PHACTR3: variants seen among roughly 807,000 people sequenced by gnomAD.
PHACTR3 encodes phosphatase and actin regulator 3.
In PHACTR3, 16 loss-of-function variants were observed where a neutral mutation model predicts 66.8. The ratio of observed to expected loss-of-function variants is 0.24; its 90% CI spans 0.16 to 0.36. The LOEUF (loss-of-function observed/expected upper bound fraction) is 0.36, where lower values mean the gene tolerates loss of function less well. PHACTR3 is among the 10% of genes least tolerant of loss of function. The pLI, the probability that PHACTR3 is intolerant of heterozygous loss-of-function variation, is 1.00. For synonymous variants in PHACTR3, 323 were observed against 292.1 expected, an observed-to-expected ratio of 1.11 and a Z score of -1.08; for missense variants, 647 against 719.9, an observed-to-expected ratio of 0.90 and a Z score of 1.16.
rs1434590916 is a variant in PHACTR3, at chr20:59,635,099, CTCTCTTTCTT to C, written c.118+29971_118+29980del. Among the ~76,000 whole-genome samples, 151 of 125,908 alleles carry C rather than the reference CTCTCTTTCTT, an allele frequency of 1.2e-3. 1 individual carries two copies. Among genetic ancestry groups the C allele is most frequent in the African/African-American group, 4.3e-3 (144 of 33,808 alleles). 82.6% of individuals were successfully genotyped at this position (125,908 alleles called of 152,430 possible). A position where few individuals can be genotyped will look rare whatever the true frequency, so the allele number is the denominator to read the frequency against. ...TGTTCTTTTTTCTTTCTTTCTTTCTCTCTCTTTCTTTCTTTCTTTCTTTCTTTCTTTCTTT... is the reference window on the plus strand; with the variant it reads ...TGTTCTTTTTTCTTTCTTTCTTTCTCTCTTTCTTTCTTTCTTTCTTTCTTT... On this transcript the variant is annotated intron_variant, in intron 1 of 12. Coordinates refer to ENST00000371015, the MANE Select transcript of PHACTR3 (RefSeq NM_080672.5).
chr20:59,785,607 C>A (rs1055221789), intron 7 of PHACTR3, among the ~76,000 whole-genome samples: 6 of 152,182 alleles, frequency 3.9e-5, no homozygotes, highest in Non-Finnish European at 7.3e-5. Flanking sequence ...TCGCCAGCGA[C>A]CTGAGTTGAC....
chr20:59,697,021 G>T (rs2037322777), intron 1 of PHACTR3, among the ~76,000 whole-genome samples: 2 of 152,174 alleles, frequency 1.3e-5, no homozygotes, highest in Admixed American at 6.5e-5. Context: ...TGGGCAGAGG[G>T]AGAGAGACAG....
intron 7 of PHACTR3, among the ~76,000 whole-genome samples, chr20:59,777,351 C>T (rs1417346114): frequency 6.6e-6 from 1 of 152,204 alleles, no homozygotes; most frequent in Non-Finnish European, 1.5e-5. Context: ...AGAGAACCCC[C>T]TTTCAACCCC....
chr20:59,650,388 G>A lies in PHACTR3; in HGVS notation c.118+45256G>A, dbSNP rs936755895. Among the ~76,000 whole-genome samples the A allele has an allele frequency of 7.9e-5, 12 of 151,988 alleles. 1 individual carries two copies. Among genetic ancestry groups the A allele is most frequent in the Admixed American group, 7.2e-4 (11 of 15,246 alleles). ...ATTATATTGATTGTTCTCGTTGGGG[G>A]GAGGGCGTTAATTTTAAAAAGTCAA... On this transcript the variant is annotated intron_variant, in intron 1 of 12. Coordinates refer to ENST00000371015, the MANE Select transcript of PHACTR3 (RefSeq NM_080672.5).
chr20:59,588,856 C>G (rs1015692763), intron 1 of PHACTR3, among the ~76,000 whole-genome samples: 4 of 152,258 alleles, frequency 2.6e-5, no homozygotes, highest in African/African-American at 9.6e-5. Context: ...GGACACTCCT[C>G]CAGCCTGGCA....
intron 9 of PHACTR3, among the ~76,000 whole-genome samples, chr20:59,839,936 T>G (rs2059028521): frequency 6.6e-6 from 1 of 152,178 alleles, no homozygotes. Context: ...AGGAAAAAAA[T>G]TAGTGGCAGT....
chr20:59,634,776 G>T (rs79609072), intron 1 of PHACTR3, among the ~76,000 whole-genome samples: 1 of 152,208 alleles, frequency 6.6e-6, no homozygotes, highest in Non-Finnish European at 1.5e-5. Flanking sequence ...CTAGGTCTGC[G>T]CCATGCCGCC....
intron 1 of PHACTR3, among the ~76,000 whole-genome samples, chr20:59,686,709 G>A (rs1199168256): frequency 6.7e-6 from 1 of 149,552 alleles, no homozygotes; most frequent in African/African-American, 2.5e-5. Flanking sequence ...TGATGATGGT[G>A]GTGATGGTGG....
In PHACTR3 at chr20:59,604,842, C is replaced by G; in HGVS notation, c.-173C>G. 8.2e-7 allele frequency: 1 copy of G among 1,213,128 alleles called. No individual in the cohort carries two copies. Among genetic ancestry groups the G allele is most frequent in the Non-Finnish European group, 1.0e-6 (1 of 977,218 alleles). The allele number at this position is 1,213,128 out of a possible 1,614,324, so 75.1% of individuals were successfully genotyped here. ...TTGTCTCCCCGCCCTGAAGCCAGCC[C>G]CGGCGTCTTTCTCCAGCTCGTTTCC... is the stretch of plus-strand genomic sequence containing the variant. On this transcript the variant is annotated 5_prime_UTR_variant, in exon 1 of 13. Transcript: ENST00000371015.
chr20:59,597,766 C>T lies in PHACTR3; in HGVS notation c.109+20149C>T, dbSNP rs76304697. The stretch of plus-strand genomic sequence containing the variant: ...GTGCAAGGTCTTTCTCTGCTGTTAG[C>T]GTTTCATCCTCCTGTGTGTTGCTGC... On this transcript the variant is annotated intron_variant, in intron 1 of 12. Coordinates refer to the PHACTR3 transcript ENST00000359926. 1.6e-4 allele frequency among the ~76,000 whole-genome samples: 24 copies of T among 152,316 alleles called. No homozygotes were observed. In the East Asian group the frequency reaches 4.1e-3, roughly 26 times the overall value.
intron 1 of PHACTR3, among the ~76,000 whole-genome samples, chr20:59,676,024 C>T (rs2036438095): frequency 1.3e-5 from 2 of 152,228 alleles, no homozygotes; most frequent in African/African-American, 4.8e-5. Flanking sequence ...ATATCAGACT[C>T]CTTCTTGCCT....
intron 1 of PHACTR3, among the ~76,000 whole-genome samples, chr20:59,633,590 G>C (rs1439918451): frequency 3.9e-5 from 6 of 152,154 alleles, no homozygotes; most frequent in Non-Finnish European, 8.8e-5. Flanking sequence ...TAACAAACCT[G>C]CACGTTCTGC....
At chr20:59,640,203 T>C (rs1340428282) in intron 1 of PHACTR3, among the ~76,000 whole-genome samples, 1 of 152,232 alleles carries the variant, frequency 6.6e-6, no homozygotes, top group Non-Finnish European at 1.5e-5. Context: ...TAGGATCAAG[T>C]ACAGTCAGTG....
chr20:59,582,065 T>C (rs536505224), intron 1 of PHACTR3, among the ~76,000 whole-genome samples: 1 of 152,294 alleles, frequency 6.6e-6, no homozygotes, highest in South Asian at 2.1e-4. Context: ...AAGTGAGCAA[T>C]TGAAAACATT....
intron 11 of PHACTR3, among the ~76,000 whole-genome samples, chr20:59,842,033 GA>G (rs1444661069): frequency 6.6e-6 from 1 of 152,186 alleles, no homozygotes; most frequent in African/African-American, 2.4e-5. Context: ...AAAGGTTCTA[GA>G]TTCTCCCCCT....
chr20:59,664,741 C>T (rs80302519), intron 1 of PHACTR3, among the ~76,000 whole-genome samples: 1,584 of 152,288 alleles, frequency 0.01, 25 homozygotes, highest in African/African-American at 0.037. Context: ...TTGTTAAGAC[C>T]GTGGTTCAAG....
intron 5 of PHACTR3, among the ~76,000 whole-genome samples, chr20:59,767,865 A>G (rs566129346): frequency 0.024 from 3,398 of 143,792 alleles, 58 homozygotes; most frequent in Non-Finnish European, 0.037. Flanking sequence ...GTTCCATTCC[A>G]TTCTGTTCTG....
intron 8 of PHACTR3, among the ~76,000 whole-genome samples, chr20:59,809,542 T>C (rs2147010287): frequency 6.6e-6 from 1 of 152,358 alleles, no homozygotes; most frequent in South Asian, 2.1e-4. Context: ...AGTTTACTTT[T>C]GAAGATGTAG....
intron 1 of PHACTR3, among the ~76,000 whole-genome samples, chr20:59,582,792 GC>G (rs1271758094): frequency 6.6e-6 from 1 of 152,056 alleles, no homozygotes; most frequent in East Asian, 1.9e-4. Flanking sequence ...GTTTGTGAGC[GC>G]CGTCGATCTG....
Sources: gnomAD v4.1 joint callset for allele counts (sites outside exome capture counted in the v4.1 genomes callset) on GRCh38, gnomAD v4.1.1 for gene constraint, MANE v1.5 for transcripts, NCBI Gene and HGNC (gene_info 2026-07-23, HGNC 2026-07-21) for gene names.